CRACD: variants seen among roughly 807,000 people sequenced by gnomAD.
The protein encoded by CRACD is capping protein-inhibiting regulator of actin dynamics.
In CRACD, 56 loss-of-function variants were observed where a neutral mutation model predicts 106.8. That is an observed-to-expected ratio of 0.52 (90% CI 0.42 to 0.66). CRACD has a LOEUF of 0.66. Among genes scored for constraint, CRACD ranks in the 30% least tolerant of loss-of-function variants. The pLI is 0.00. For missense variants in CRACD, 1,730 were observed against 1,623.2 expected (o/e 1.07, Z -1.13); for synonymous variants, 754 against 670.8 (o/e 1.12, Z -1.92).
intron 2 of CRACD, among the ~76,000 whole-genome samples, chr4:56,238,555 A>C (rs1233452990): frequency 6.6e-6 from 1 of 152,106 alleles, no homozygotes; most frequent in Non-Finnish European, 1.5e-5. Flanking sequence ...AGCATCAACA[A>C]CTCATTGTAG....
Position 56,315,965 on chromosome 4 carries a change from C to CA in CRACD, c.2464dup (p.Ser822LysfsTer101). On this transcript the variant is annotated frameshift_variant, in exon 8 of 11. Transcript: ENST00000682029. LOFTEE classifies it high-confidence loss of function. This position sits in a 1 kb window ranked among gnomAD's most constrained non-coding sequence, Gnocchi z 4.1. ...ACACAGAGTTCACGACCTCGTCGGA[C>CA]AGCGAGACTGCAAACGGGATAGCAA... 6.2e-7 allele frequency: 1 copy of CA among 1,614,232 alleles called. No homozygotes were observed. The highest frequency in any genetic ancestry group is 8.5e-7 in the Non-Finnish European group (1 of 1,180,046).
chr4:56,204,573 C>G lies in CRACD; in HGVS notation c.-189+25143C>G, dbSNP rs538976107. On this transcript the variant is annotated intron_variant, in intron 2 of 10. Coordinates refer to ENST00000682029, the MANE Select transcript of CRACD (RefSeq NM_001393381.1). Reference sequence around the variant, plus strand: ...TATGACCTGATCACCTCTTAAAGATCCCACCTCTTAATGCCATCACAATGG... The same window carrying G: ...TATGACCTGATCACCTCTTAAAGATGCCACCTCTTAATGCCATCACAATGG... Among the ~76,000 whole-genome samples, 4 of 152,294 alleles carry G rather than the reference C, an allele frequency of 2.6e-5. 1 individual carries two copies. In the East Asian group the frequency reaches 7.7e-4, roughly 29 times the overall value.
chr4:56,072,808 A>G (rs1020358552), intron 1 of CRACD, among the ~76,000 whole-genome samples: 3 of 151,108 alleles, frequency 2.0e-5, no homozygotes, highest in African/African-American at 7.3e-5. Context: ...CCCTGTACTC[A>G]TATGTTCTCA....
intron 1 of CRACD, among the ~76,000 whole-genome samples, chr4:56,079,451 T>G (rs1368122383): frequency 7.3e-6 from 1 of 136,856 alleles, no homozygotes; most frequent in African/African-American, 2.9e-5. Context: ...TCTTCTTTTC[T>G]TTTTTTTTTT....
intron 1 of CRACD, among the ~76,000 whole-genome samples, chr4:56,153,858 C>T (rs1390076917): frequency 2.0e-5 from 3 of 152,196 alleles, no homozygotes; most frequent in African/African-American, 7.2e-5. Flanking sequence ...ACTAGCTACA[C>T]TCATCTTAAT....
intron 1 of CRACD, among the ~76,000 whole-genome samples, chr4:56,094,951 T>C (rs554260488): frequency 9.0e-4 from 137 of 152,338 alleles, no homozygotes; most frequent in African/African-American, 3.2e-3. Context: ...TTTCAAGATA[T>C]AGATTATTTA....
At chr4:56,327,474 ATTAG>A (rs1457299502) in intron 10 of CRACD, among the ~76,000 whole-genome samples, 166 bp from the exon 11 acceptor site, 27 of 152,240 alleles carry the variant, frequency 1.8e-4, no homozygotes, top group African/African-American at 5.1e-4. Flanking sequence ...GTATATTTTA[ATTAG>A]TTAGATTTAG....
At chr4:56,159,443 G>A (rs1735871418) in intron 1 of CRACD, among the ~76,000 whole-genome samples, 1 of 152,174 alleles carries the variant, frequency 6.6e-6, no homozygotes, top group South Asian at 2.1e-4. Context: ...GAGGTCAGGA[G>A]ATTGAGACCA....
chr4:56,089,626 G>A (rs905644293), intron 1 of CRACD, among the ~76,000 whole-genome samples: 5 of 150,012 alleles, frequency 3.3e-5, no homozygotes, highest in Admixed American at 2.7e-4. Flanking sequence ...CGATTCTCCT[G>A]CCTCAGCCTG....
intron 1 of CRACD, among the ~76,000 whole-genome samples, chr4:56,113,801 T>C (rs936968858): frequency 6.6e-6 from 1 of 152,178 alleles, no homozygotes; most frequent in African/African-American, 2.4e-5. Flanking sequence ...TGAAATTAAA[T>C]GAATACATGA....
chr4:56,297,249 C>T (rs111465388), intron 3 of CRACD, among the ~76,000 whole-genome samples: 5,843 of 152,158 alleles, frequency 0.038, 165 homozygotes, highest in Non-Finnish European at 0.058. Flanking sequence ...TGTCTTTGTG[C>T]ATTTCACACG....
rs537658635 is a variant in CRACD at position 56,293,137 on chromosome 4, A to G, written c.-16-5077A>G. ...AAATTAGTGAACTGGAAGCAGGTCC[A>G]TAGAAATATCCAGTCTGAATCATAT... is the stretch of plus-strand genomic sequence containing the variant. On this transcript the variant is annotated intron_variant, in intron 3 of 10. Coordinates refer to ENST00000682029, the MANE Select transcript of CRACD (RefSeq NM_001393381.1). Among the ~76,000 whole-genome samples, 3 of 152,368 alleles carry G rather than the reference A, an allele frequency of 2.0e-5. No individual in the cohort carries two copies. In the South Asian group the frequency reaches 6.2e-4, roughly 32 times the overall value.
chr4:56,052,698 TCA>T, intron 1 of CRACD, among the ~76,000 whole-genome samples: 1 of 152,334 alleles, frequency 6.6e-6, no homozygotes, highest in South Asian at 2.1e-4. Context: ...AAATTAAGAC[TCA>T]GAGAGCTTTT....
chr4:56,059,168 T>C (rs1362250813), intron 1 of CRACD, among the ~76,000 whole-genome samples: 1 of 152,210 alleles, frequency 6.6e-6, no homozygotes, highest in Non-Finnish European at 1.5e-5. Context: ...CAAGGCTTGG[T>C]GGCGCCTGTC....
In CRACD at chr4:56,277,136, C is replaced by G. The variant is rs115538342; in HGVS notation, c.-17+4644C>G. ...TAGAATAGGAGGGAACTTTCCAACTCTGTGAGGCCAGTGTTATCCTCATAT... is the reference window on the plus strand; with the variant it reads ...TAGAATAGGAGGGAACTTTCCAACTGTGTGAGGCCAGTGTTATCCTCATAT... On this transcript the variant is annotated intron_variant, in intron 3 of 10. Transcript: ENST00000682029. Among the ~76,000 whole-genome samples the G allele has an allele frequency of 7.8e-4, 119 of 152,248 alleles. 1 individual carries two copies. Among genetic ancestry groups the G allele is most frequent in the African/African-American group, 2.8e-3 (117 of 41,542 alleles).
chr4:56,261,361 C>CTTTTT (rs369710516), intron 2 of CRACD, among the ~76,000 whole-genome samples: 28 of 141,040 alleles, frequency 2.0e-4, no homozygotes, highest in African/African-American at 2.7e-4. Context: ...TCTTCTTCTT[C>CTTTTT]TTTTTTTTTT....
chr4:56,285,179 C>T (rs1743265650), intron 3 of CRACD, among the ~76,000 whole-genome samples: 1 of 152,166 alleles, frequency 6.6e-6, no homozygotes, highest in Non-Finnish European at 1.5e-5. Context: ...AACTCACTCA[C>T]TATCACAAGA....
At chr4:56,104,836 G>A (rs970072949) in intron 1 of CRACD, among the ~76,000 whole-genome samples, 10 of 151,708 alleles carry the variant, frequency 6.6e-5, no homozygotes, top group South Asian at 2.1e-4. Context: ...GCATGGTGGC[G>A]GGTGCCTGTA....
At chr4:56,199,122 A>C (rs934527857) in intron 2 of CRACD, among the ~76,000 whole-genome samples, 5 of 152,094 alleles carry the variant, frequency 3.3e-5, no homozygotes, top group African/African-American at 9.7e-5. Flanking sequence ...CTTGCCTGAT[A>C]CATATGTGTC....
Sources: gnomAD v4.1 joint callset for allele counts (sites outside exome capture counted in the v4.1 genomes callset) on GRCh38, gnomAD v4.1.1 for gene constraint, Gnocchi (gnomAD v3.1) non-coding constraint, MANE v1.5 for transcripts, NCBI Gene and HGNC (gene_info 2026-07-23, HGNC 2026-07-21) for gene names.